Variants in TECTA observed in about 807,000 individuals in gnomAD.
The protein encoded by TECTA is tectorin alpha.
Under a neutral mutation model 216.8 loss-of-function variants are expected in TECTA, and 128 were observed. The observed-to-expected ratio is 0.59, with a 90% confidence interval of 0.51 to 0.68. The LOEUF (loss-of-function observed/expected upper bound fraction) is 0.68, where lower values mean the gene tolerates loss of function less well. Among genes scored for constraint, TECTA ranks in the 30% least tolerant of loss-of-function variants. The pLI, the probability that TECTA is intolerant of heterozygous loss-of-function variation, is 0.00. For missense variants in TECTA, 2,551 were observed against 2,786.2 expected, an observed-to-expected ratio of 0.92 and a Z score of 1.90; for synonymous variants, 1,089 against 1,117.1, an observed-to-expected ratio of 0.97 and a Z score of 0.50.
chr11:121,105,940 T>G lies in TECTA; in HGVS notation c.174T>G (p.Phe58Leu). Residue 58 changes from phenylalanine (F) to leucine (L), a missense_variant, in exon 3 of 24, where the codon TTT (phenylalanine) becomes TTG (leucine). Coordinates refer to ENST00000392793, the MANE Select transcript of TECTA (RefSeq NM_005422.4). The surrounding 1 kb of genome is among the most constrained non-coding windows in gnomAD (Gnocchi z 5.3). Reference protein sequence around the residue: ...EIKLAIPVFFFGVPYRTVYVN... With the variant: ...EIKLAIPVFFLGVPYRTVYVN... ...AGTTGGCCATCCCAGTTTTCTTCTT[T>G]GGCGTTCCTTACCGCACTGTCTATG... 1 of 1,614,234 alleles carries G rather than the reference T, an allele frequency of 6.2e-7. No homozygotes were observed. The highest frequency in any genetic ancestry group is 8.5e-7 in the Non-Finnish European group (1 of 1,180,036).
intron 12 of TECTA, among the ~76,000 whole-genome samples, chr11:121,150,418 C>T (rs761167152): frequency 2.4e-4 from 37 of 152,202 alleles, no homozygotes; most frequent in Admixed American, 7.2e-4. Flanking sequence ...AACAAAGGAG[C>T]GTTCTTGATA....
At chr11:121,185,385 A>AATGAATGAGTAGGGAAAGCAGATGTTCAG (rs1947273773) in intron 20 of TECTA, among the ~76,000 whole-genome samples, 3 of 117,996 alleles carry the variant, frequency 2.5e-5, no homozygotes, top group African/African-American at 1.0e-4. Flanking sequence ...CAGATGTTCA[A>AATGAATGAGTAGGGAAAGCAGATGTTCAG]TGCTTAATGA....
At chr11:121,175,234 G>C (rs1418861666) in intron 20 of TECTA, among the ~76,000 whole-genome samples, 8 of 151,536 alleles carry the variant, frequency 5.3e-5, no homozygotes, top group Non-Finnish European at 1.2e-4. Context: ...CCTTCTGCTA[G>C]CTTTTGAATG....
chr11:121,174,814 C>T (rs1219038396), intron 20 of TECTA, among the ~76,000 whole-genome samples: 2 of 152,172 alleles, frequency 1.3e-5, no homozygotes, highest in Non-Finnish European at 2.9e-5. Flanking sequence ...GTGAATCCAT[C>T]TGGTCCTGGA....
Position 121,113,727 on chromosome 11 carries a change from T to G in TECTA, c.790+9T>G, listed in dbSNP as rs370878052. ...TGGCTGCACCTCAAGGGGTAAAGCTTTTCCTCTGTCTGTGGCAAGGCAGGG... is the reference window on the plus strand; with the variant it reads ...TGGCTGCACCTCAAGGGGTAAAGCTGTTCCTCTGTCTGTGGCAAGGCAGGG... On this transcript the variant is annotated intron_variant, in intron 6 of 23. Coordinates refer to ENST00000392793, the MANE Select transcript of TECTA (RefSeq NM_005422.4). The surrounding 1 kb of genome is among the most constrained non-coding windows in gnomAD (Gnocchi z 4.2). 6.2e-7 allele frequency: 1 copy of G among 1,612,896 alleles called. No individual in the cohort carries two copies. The highest frequency in any genetic ancestry group is 1.3e-5 in the African/African-American group (1 of 74,874).
intron 4 of TECTA, 143 bp from the exon 5 acceptor site, chr11:121,112,929 G>A: frequency 2.1e-6 from 2 of 937,922 alleles, no homozygotes; most frequent in Non-Finnish European, 3.3e-6. Flanking sequence ...AATTCAGAGA[G>A]GAGTCAGAGC....
intron 20 of TECTA, among the ~76,000 whole-genome samples, chr11:121,169,788 A>T (rs143676360): frequency 6.6e-6 from 1 of 152,314 alleles, no homozygotes; most frequent in African/African-American, 2.4e-5. Context: ...TGACACATGC[A>T]TTAAATGTGT....
intron 12 of TECTA, among the ~76,000 whole-genome samples, chr11:121,149,030 T>C (rs1328852806): frequency 1.3e-5 from 2 of 152,246 alleles, no homozygotes; most frequent in Admixed American, 6.5e-5. Flanking sequence ...TCCTTAGCTC[T>C]CACTATGTGC....
rs766836821 is a variant in TECTA, at chr11:121,191,298, A to G, written c.*492A>G. ...TCTACGTTATGCACGTGTTCTGTCT[A>G]TGAGGCGCTTCTCCACCCACTGTGT... On this transcript the variant is annotated 3_prime_UTR_variant, in exon 24 of 24. Transcript: ENST00000392793. 8 of 196,074 alleles carry G rather than the reference A, an allele frequency of 4.1e-5. No individual in the cohort carries two copies. Among genetic ancestry groups the G allele is most frequent in the Non-Finnish European group, 8.4e-5 (8 of 94,764 alleles). 12.1% of individuals were successfully genotyped at this position (196,074 alleles called of 1,614,324 possible). A position where few individuals can be genotyped will look rare whatever the true frequency, so the allele number is the denominator to read the frequency against.
intron 17 of TECTA, 43 bp from the exon 18 acceptor site, chr11:121,166,535 A>T (rs1947054530): frequency 6.2e-7 from 1 of 1,607,476 alleles, no homozygotes; most frequent in Non-Finnish European, 8.5e-7. Context: ...CTGCAGCAAG[A>T]CCGACTCCAC....
chr11:121,159,226 C>T (rs931513820), intron 14 of TECTA, among the ~76,000 whole-genome samples: 12 of 152,086 alleles, frequency 7.9e-5, no homozygotes, highest in Non-Finnish European at 1.3e-4. Context: ...AATTTAATAC[C>T]GGTTTTAACT....
intron 18 of TECTA, 37 bp downstream of exon 18, chr11:121,166,817 C>T: frequency 1.9e-6 from 3 of 1,609,988 alleles, no homozygotes; most frequent in Non-Finnish European, 2.5e-6. Flanking sequence ...CTGGCAGAGG[C>T]AGCGACAGCT....
In TECTA at chr11:121,125,549, T is replaced by C. The variant is rs372602567; in HGVS notation, c.1451T>C (p.Leu484Pro). 13 of 1,614,044 alleles carry C rather than the reference T, an allele frequency of 8.1e-6. No individual in the cohort carries two copies. Among genetic ancestry groups the C allele is most frequent in the African/African-American group, 1.3e-5 (1 of 74,946 alleles). The part of the protein sequence containing the change: ...RPDGRPAMSV[L>P]DLGESWRVYH... ...GATGGCAGGCCGGCCATGTCTGTCC[T>C]GGATCTGGGAGAGAGCTGGCGTGTG... is the stretch of plus-strand genomic sequence containing the variant. Residue 484 changes from leucine to proline, a missense_variant, in exon 8 of 24, where the codon CTG (leucine) becomes CCG (proline). Physicochemically the swap from Leu to Pro is moderately conservative, Grantham distance 98. Around this residue, in one of 3 missense-constraint regions of TECTA, gnomAD observed 2,375 missense variants for 2,563.9 expected, o/e 0.93. Coordinates refer to ENST00000392793, the MANE Select transcript of TECTA (RefSeq NM_005422.4).
intron 16 of TECTA, 141 bp from the exon 17 acceptor site, chr11:121,165,132 G>A (rs559328029): frequency 1.0e-3 from 797 of 793,760 alleles, no homozygotes; most frequent in Non-Finnish European, 1.5e-3. Flanking sequence ...TTTCTGGAAG[G>A]TTGCCCTGTC....
intron 4 of TECTA, chr11:121,110,557 G>A (rs2135056366): frequency 6.6e-6 from 1 of 152,344 alleles, no homozygotes; most frequent in South Asian, 2.1e-4. Context: ...AGTTTAAACA[G>A]CGATGCATTG....
chr11:121,190,836 TA>T lies in TECTA; in HGVS notation c.*32del. 1 of 1,520,130 alleles carries T rather than the reference TA, an allele frequency of 6.6e-7. No individual in the cohort carries two copies. The highest frequency in any genetic ancestry group is 1.1e-5 in the South Asian group (1 of 88,258). The allele number at this position is 1,520,130 out of a possible 1,614,324, so 94.2% of individuals were successfully genotyped here. A position where few individuals can be genotyped will look rare whatever the true frequency, so the allele number is the denominator to read the frequency against. On this transcript the variant is annotated 3_prime_UTR_variant, in exon 24 of 24. Transcript: ENST00000392793. ...CTCAAGGTTGCTATATAAAGTACTG[TA>T]ATTTACTTACTTCAACACCCTGTAG...
At chr11:121,173,434 T>G (rs1452923183) in intron 20 of TECTA, among the ~76,000 whole-genome samples, 8 of 139,696 alleles carry the variant, frequency 5.7e-5, no homozygotes, top group Middle Eastern at 3.6e-3. Flanking sequence ...CAGCACCATT[T>G]ATTAAATAGG....
chr11:121,120,094 AAAG>A (rs1327703652), intron 7 of TECTA, among the ~76,000 whole-genome samples: 2 of 152,222 alleles, frequency 1.3e-5, no homozygotes, highest in Non-Finnish European at 2.9e-5. Context: ...AGTAGTTGAA[AAAG>A]AAGGCTTCAT....
At chr11:121,177,194 C>T (rs1266883911) in intron 20 of TECTA, among the ~76,000 whole-genome samples, 2 of 152,246 alleles carry the variant, frequency 1.3e-5, no homozygotes, top group African/African-American at 2.4e-5. Flanking sequence ...CATTCTCTGT[C>T]CAGCTTTGTT....
Sources: gnomAD v4.1 joint callset for allele counts (sites outside exome capture counted in the v4.1 genomes callset) on GRCh38, gnomAD v4.1.1 for gene constraint, gnomAD v4.1.1 regional missense constraint, Gnocchi (gnomAD v3.1) non-coding constraint, MANE v1.5 for transcripts, NCBI Gene and HGNC (gene_info 2026-07-23, HGNC 2026-07-21) for gene names.